UBTF: variants seen among roughly 807,000 people sequenced by gnomAD.
UBTF encodes nucleolar transcription factor 1.
Under a neutral mutation model 112.3 loss-of-function variants are expected in UBTF, and 8 were observed. The ratio of observed to expected loss-of-function variants is 0.07; its 90% CI spans 0.04 to 0.13. The LOEUF (loss-of-function observed/expected upper bound fraction) is 0.13. Among genes scored for constraint, UBTF ranks in the 10% least tolerant of loss-of-function variants. The probability of loss-of-function intolerance (pLI) is 1.00; values close to 1 mark genes in which losing one functional copy is unlikely to be tolerated. For synonymous variants in UBTF, 417 were observed against 373.1 expected (o/e 1.12, Z -1.36); for missense variants, 457 against 982.1 (o/e 0.47, Z 7.15).
In UBTF at chr17:44,207,699, C is replaced by A; in HGVS notation, c.2025G>T (p.Ser675=). The A allele has an allele frequency of 6.2e-7, 1 of 1,614,192 alleles. No individual in the cohort carries two copies. Among genetic ancestry groups the A allele is most frequent in the Admixed American group, 1.7e-5 (1 of 60,024 alleles). The change falls in exon 19 of 21, where the codon TCG becomes TCT. Residue 675 remains serine, a splice_region_variant and synonymous_variant. Transcript: ENST00000436088. ...CCTGCATCTGGGAGGGGCTCCTTACCGACTTGGACTGCAGAGTAGTCCGGC... is the reference window on the plus strand; with the variant it reads ...CCTGCATCTGGGAGGGGCTCCTTACAGACTTGGACTGCAGAGTAGTCCGGC... The part of the protein sequence containing the change: ...KSSRTTLQSK[S]ESEEDDEEDE...
intron 7 of UBTF, 24 bp downstream of exon 7, chr17:44,212,795 C>G (rs780943828): frequency 2.5e-6 from 4 of 1,612,978 alleles, no homozygotes; most frequent in Non-Finnish European, 3.4e-6. Flanking sequence ...ATCCTCCACC[C>G]CCAACCCTTG....
At chr17:44,208,777 T>G in intron 17 of UBTF, 1 of 235,800 alleles carries the variant, frequency 4.2e-6, no homozygotes, top group Admixed American at 5.6e-5. Flanking sequence ...CTAGGAGAGG[T>G]CCCGTGGTCC....
At chr17:44,209,917 C>T (rs1048426848) in intron 15 of UBTF, among the ~76,000 whole-genome samples, 184 bp from the exon 16 acceptor site, 1 of 152,200 alleles carries the variant, frequency 6.6e-6, no homozygotes, top group Non-Finnish European at 1.5e-5. Context: ...TTTACAAGTG[C>T]TTTCACAACT....
At position 44,218,267 on chromosome 17, in the gene UBTF, C is replaced by T. The variant is rs1167708461; in HGVS notation, c.-38G>A. ...CAGCCACCTCCTCGGTCGTGCTGGC[C>T]GGGCAACCCGGGGTCAAAGCCACCT... On this transcript the variant is annotated 5_prime_UTR_variant, in exon 2 of 21. Transcript: ENST00000436088. The T allele has an allele frequency of 6.2e-6, 10 of 1,609,034 alleles. No homozygotes were observed. Among genetic ancestry groups the T allele is most frequent in the East Asian group, 2.2e-5 (1 of 44,812 alleles).
intron 2 of UBTF, among the ~76,000 whole-genome samples, 159 bp from the exon 3 acceptor site, chr17:44,216,863 A>T (rs916870842): frequency 5.3e-5 from 8 of 152,198 alleles, no homozygotes; most frequent in Admixed American, 2.0e-4. Flanking sequence ...CCCTAAGGAA[A>T]CTGTGGCCAT....
chr17:44,220,897 G>A (rs942415944), upstream of UBTF: 4 of 150,662 alleles, frequency 2.7e-5, no homozygotes, highest in African/African-American at 9.7e-5. Flanking sequence ...AGCCCCACGC[G>A]CCGCGCTCCG....
Position 44,211,835 on chromosome 17 carries a change from G to T in UBTF, c.905+38C>A. On this transcript the variant is annotated intron_variant, in intron 9 of 20. Coordinates refer to ENST00000436088, the MANE Select transcript of UBTF (RefSeq NM_014233.4). The surrounding 1 kb of genome is among the most constrained non-coding windows in gnomAD (Gnocchi z 4.9). The stretch of plus-strand genomic sequence containing the variant: ...CTGCAGAGCCCAGCCCAACTTCCCA[G>T]CTGCCCACTCGCCCACCCATCCCAG... 1 of 1,604,840 alleles carries T rather than the reference G, an allele frequency of 6.2e-7. No homozygotes were observed. Among genetic ancestry groups the T allele is most frequent in the Non-Finnish European group, 8.5e-7 (1 of 1,175,798 alleles).
intron 5 of UBTF, chr17:44,215,436 C>T (rs1458423234): frequency 3.4e-6 from 2 of 584,852 alleles, no homozygotes; most frequent in South Asian, 2.2e-5. Flanking sequence ...GGTCTGAGCA[C>T]CTGCTGTCTG....
intron 5 of UBTF, among the ~76,000 whole-genome samples, chr17:44,214,981 G>A (rs1301539698): frequency 6.6e-6 from 1 of 152,184 alleles, no homozygotes; most frequent in East Asian, 1.9e-4. Context: ...AGCCCTGCCT[G>A]GGAGGCTTAG....
chr17:44,214,679 T>C (rs2046758890), intron 5 of UBTF, among the ~76,000 whole-genome samples: 1 of 152,132 alleles, frequency 6.6e-6, no homozygotes, highest in Admixed American at 6.5e-5. Context: ...ACCAAGGGCA[T>C]GTGAGTCTGC....
chr17:44,208,011 A>G, intron 17 of UBTF, 100 bp from the exon 18 acceptor site: 1 of 1,463,106 alleles, frequency 6.8e-7, no homozygotes, highest in Non-Finnish European at 9.4e-7. Context: ...TTTATATATC[A>G]TCACCCCATC....
At chr17:44,221,004 C>G (rs1332546307), upstream of UBTF, 3 of 150,860 alleles carry the variant, frequency 2.0e-5, no homozygotes, top group Non-Finnish European at 4.4e-5. Context: ...CGCCGCCTCC[C>G]GGGCCACCCC....
intron 1 of UBTF, chr17:44,218,573 G>A (rs918369871): frequency 2.0e-5 from 3 of 149,174 alleles, no homozygotes; most frequent in African/African-American, 7.3e-5. Flanking sequence ...CCCGCCCTCC[G>A]CCCCGCTTCC....
At chr17:44,220,398 C>G (rs929335380), upstream of UBTF, among the ~76,000 whole-genome samples, 2 of 152,258 alleles carry the variant, frequency 1.3e-5, no homozygotes, top group East Asian at 3.9e-4. Context: ...CCACCCTCAT[C>G]CCCCGGAGCG....
intron 2 of UBTF, among the ~76,000 whole-genome samples, chr17:44,217,597 G>A (rs1384888460): frequency 1.3e-5 from 2 of 152,182 alleles, no homozygotes; most frequent in Non-Finnish European, 2.9e-5. Context: ...TGCAGAATGG[G>A]CCACGTGGAC....
Position 44,211,207 on chromosome 17 carries a change from GC to G in UBTF, c.1090-56del. 6.2e-7 allele frequency: 1 copy of G among 1,613,408 alleles called. No homozygotes were observed. The highest frequency in any genetic ancestry group is 8.5e-7 in the Non-Finnish European group (1 of 1,179,726). ...ATGCCTGGCACCCAGACTGCATGGT[GC>G]CCTATCTCCAGGGGCTCACCAGGGC... On this transcript the variant is annotated intron_variant, in intron 11 of 20. Transcript: ENST00000436088. This position sits in a 1 kb window ranked among gnomAD's most constrained non-coding sequence, Gnocchi z 4.9.
In UBTF at chr17:44,216,519, G is replaced by C. The variant is rs371467697; in HGVS notation, c.234+10C>G. 3.4e-5 allele frequency: 55 copies of C among 1,613,702 alleles called. No homozygotes were observed. The highest frequency in any genetic ancestry group is 4.6e-5 in the Non-Finnish European group (54 of 1,179,698). On this transcript the variant is annotated intron_variant, in intron 3 of 20. Transcript: ENST00000436088. ...GTATGTGTGTATGTCAGAAAAGGGG[G>C]ATCAGTTACCTCATTAGAAATCTCC...
intron 5 of UBTF, 59 bp from the exon 6 acceptor site, chr17:44,213,341 G>A: frequency 2.6e-6 from 4 of 1,564,296 alleles, no homozygotes; most frequent in Non-Finnish European, 3.5e-6. Flanking sequence ...CCTGAGCTAT[G>A]AAGGCCACCC....
At chr17:44,210,971 G>A in intron 12 of UBTF, 24 bp from the exon 13 acceptor site, 8 of 1,601,158 alleles carry the variant, frequency 5.0e-6, no homozygotes, top group Non-Finnish European at 6.8e-6. Context: ...GAGGGTCGGG[G>A]TCCGTGGGTG....
Sources: allele counts gnomAD v4.1 joint callset (sites outside exome capture counted in the v4.1 genomes callset), GRCh38; gene constraint gnomAD v4.1.1; non-coding constraint Gnocchi (gnomAD v3.1); transcripts MANE v1.5; gene names NCBI Gene and HGNC (gene_info 2026-07-23, HGNC 2026-07-21).